Variants in PLLP observed in about 807,000 individuals in gnomAD.
PLLP encodes the protein plasmolipin.
PLLP carries 15 observed loss-of-function variants against 19.7 expected under a neutral mutation model. The ratio of observed to expected loss-of-function variants is 0.76; its 90% CI spans 0.51 to 1.17. The LOEUF (loss-of-function observed/expected upper bound fraction) is 1.17. Among genes scored for constraint, PLLP ranks in the 50% most tolerant of loss-of-function variants. The pLI, the probability that PLLP is intolerant of heterozygous loss-of-function variation, is 0.00. For missense variants in PLLP, 255 were observed against 258.3 expected, an observed-to-expected ratio of 0.99 and a Z score of 0.09; for synonymous variants, 111 against 116.3, an observed-to-expected ratio of 0.95 and a Z score of 0.29.
At chr16:57,281,132 C>T (rs1251770287) in intron 1 of PLLP, among the ~76,000 whole-genome samples, 1 of 152,234 alleles carries the variant, frequency 6.6e-6, no homozygotes, top group Non-Finnish European at 1.5e-5. Flanking sequence ...AGGCTGTGGG[C>T]CCAGGGTCCC....
intron 1 of PLLP, among the ~76,000 whole-genome samples, chr16:57,283,101 C>G (rs767184038): frequency 2.6e-5 from 4 of 152,174 alleles, no homozygotes; most frequent in African/African-American, 9.7e-5. Context: ...CCTTCTCCCC[C>G]ACCCCCCAAA....
chr16:57,279,327 T>C (rs1182121739), intron 1 of PLLP, among the ~76,000 whole-genome samples: 1 of 151,344 alleles, frequency 6.6e-6, no homozygotes, highest in African/African-American at 2.4e-5. Context: ...CCATGGATCA[T>C]GGAGATCTAG....
At chr16:57,267,410 T>C (rs2075460939) in intron 1 of PLLP, among the ~76,000 whole-genome samples, 1 of 150,874 alleles carries the variant, frequency 6.6e-6, no homozygotes, top group South Asian at 2.1e-4. Context: ...CCAGTAAAAA[T>C]ACAAAAATTA....
chr16:57,267,772 G>A (rs1412044951), intron 1 of PLLP, among the ~76,000 whole-genome samples: 1 of 151,296 alleles, frequency 6.6e-6, no homozygotes, highest in Admixed American at 6.6e-5. Flanking sequence ...CCAGCTACTT[G>A]GGAGAGGCAG....
intron 1 of PLLP, among the ~76,000 whole-genome samples, chr16:57,263,647 G>A (rs2075448487): frequency 6.6e-6 from 1 of 152,174 alleles, no homozygotes; most frequent in Non-Finnish European, 1.5e-5. Flanking sequence ...GCCAGCTGAG[G>A]CAGGGCCCAG....
intron 3 of PLLP, 129 bp downstream of exon 3, chr16:57,258,333 G>T: frequency 1.1e-6 from 1 of 875,774 alleles, no homozygotes; most frequent in Non-Finnish European, 1.7e-6. Context: ...TCCCCTCTAA[G>T]ACCCACTGAG....
intron 1 of PLLP, among the ~76,000 whole-genome samples, chr16:57,276,943 A>G (rs1901161611): frequency 6.6e-6 from 1 of 152,238 alleles, no homozygotes; most frequent in South Asian, 2.1e-4. Flanking sequence ...GACTGACCAC[A>G]CAGTCACACC....
chr16:57,284,403 C>A lies in PLLP; in HGVS notation c.135+3G>T. The A allele has an allele frequency of 7.1e-7, 1 of 1,409,946 alleles. No homozygotes were observed. The highest frequency in any genetic ancestry group is 1.5e-5 in the South Asian group (1 of 68,808). The allele number at this position is 1,409,946 out of a possible 1,614,324, so 87.3% of individuals were successfully genotyped here. A position where few individuals can be genotyped will look rare whatever the true frequency, so the allele number is the denominator to read the frequency against. ...AACCCCGTGGGCCCGCGCGTGCTCT[C>A]ACCAGCTGCAGCAGCATGAGCGCCC... On this transcript the variant is annotated splice_donor_region_variant and intron_variant, in intron 1 of 3. Coordinates refer to ENST00000219207, the MANE Select transcript of PLLP (RefSeq NM_015993.3).
chr16:57,263,488 A>T (rs1224433879), intron 1 of PLLP: 1 of 152,320 alleles, frequency 6.6e-6, no homozygotes, highest in Non-Finnish European at 1.5e-5. Context: ...GTTCATGCAC[A>T]TAAATGATTG....
chr16:57,278,470 G>T (rs1901180194), intron 1 of PLLP, among the ~76,000 whole-genome samples: 1 of 152,220 alleles, frequency 6.6e-6, no homozygotes, highest in Non-Finnish European at 1.5e-5. Context: ...AGGGACAGAG[G>T]TGGGTAATCC....
chr16:57,269,933 T>A (rs1597962357), intron 1 of PLLP, among the ~76,000 whole-genome samples: 1 of 152,092 alleles, frequency 6.6e-6, no homozygotes, highest in South Asian at 2.1e-4. Flanking sequence ...CATGCCCGGC[T>A]AATTTTTGTA....
chr16:57,260,845 C>G (rs374607567), intron 2 of PLLP, among the ~76,000 whole-genome samples: 2 of 152,218 alleles, frequency 1.3e-5, no homozygotes, highest in African/African-American at 4.8e-5. Flanking sequence ...GCCAGGTGCC[C>G]GAGCTTGTCC....
chr16:57,269,145 T>C (rs2075466637), intron 1 of PLLP, among the ~76,000 whole-genome samples: 1 of 152,094 alleles, frequency 6.6e-6, no homozygotes, highest in Non-Finnish European at 1.5e-5. Flanking sequence ...CCTGGCACAA[T>C]GGAAGCAGGG....
chr16:57,256,633 A>G lies in PLLP; in HGVS notation c.*280T>C, dbSNP rs1319749722. On this transcript the variant is annotated 3_prime_UTR_variant, in exon 4 of 4. Transcript: ENST00000219207. ...TTGGACGCTGAAGTCCTCTAAAGAC[A>G]AGGCAGAGACACAGCCTCAGATCCC... The G allele has an allele frequency of 2.3e-6, 1 of 432,220 alleles. No homozygotes were observed. Among genetic ancestry groups the G allele is most frequent in the African/African-American group, 2.0e-5 (1 of 50,386 alleles). 26.8% of individuals were successfully genotyped at this position (432,220 alleles called of 1,614,324 possible). A position where few individuals can be genotyped will look rare whatever the true frequency, so the allele number is the denominator to read the frequency against.
chr16:57,258,692 T>A (rs2075433380), intron 2 of PLLP, 108 bp from the exon 3 acceptor site: 1 of 1,097,708 alleles, frequency 9.1e-7, no homozygotes, highest in African/African-American at 1.5e-5. Context: ...GGGGCTGAAG[T>A]GGAAGGATCG....
chr16:57,281,618 C>G (rs1428777354), intron 1 of PLLP, among the ~76,000 whole-genome samples: 1 of 149,328 alleles, frequency 6.7e-6, no homozygotes, highest in Non-Finnish European at 1.5e-5. Flanking sequence ...TCACGCCATT[C>G]TCCCGCCTCA....
In PLLP at chr16:57,282,882, T is replaced by C. The variant is rs762851017; in HGVS notation, c.135+1524A>G. 1.4e-4 allele frequency among the ~76,000 whole-genome samples: 21 copies of C among 152,146 alleles called. 1 individual carries two copies. Among genetic ancestry groups the C allele is most frequent in the Non-Finnish European group, 2.9e-4 (20 of 68,028 alleles). ...CAACAAGCCTTCCTGGTCGTGAAAT[T>C]GCTCTCCTTCTCCTCTGCCCTTTCG... is the stretch of plus-strand genomic sequence containing the variant. On this transcript the variant is annotated intron_variant, in intron 1 of 3. Coordinates refer to ENST00000219207, the MANE Select transcript of PLLP (RefSeq NM_015993.3).
At chr16:57,260,083 G>A (rs949419052) in intron 2 of PLLP, among the ~76,000 whole-genome samples, 10 of 152,080 alleles carry the variant, frequency 6.6e-5, no homozygotes, top group Admixed American at 5.2e-4. Context: ...GCGATGGGCA[G>A]ATGGATGCTG....
intron 1 of PLLP, among the ~76,000 whole-genome samples, chr16:57,271,177 A>C (rs887427427): frequency 2.0e-5 from 3 of 151,870 alleles, no homozygotes; most frequent in African/African-American, 7.3e-5. Context: ...CAAACGCAGA[A>C]GAAGTTGCAG....
Sources: gnomAD v4.1 joint callset for allele counts (sites outside exome capture counted in the v4.1 genomes callset) on GRCh38, gnomAD v4.1.1 for gene constraint, MANE v1.5 for transcripts, NCBI Gene and HGNC (gene_info 2026-07-23, HGNC 2026-07-21) for gene names.